The following COL15A1 variants were observed in gnomAD, a reference collection of about 807,000 sequenced individuals.
COL15A1 encodes the protein collagen alpha-1(XV) chain.
Under a neutral mutation model 165.9 loss-of-function variants are expected in COL15A1, and 111 were observed. The ratio of observed to expected loss-of-function variants is 0.67; its 90% CI spans 0.57 to 0.78. COL15A1 has a LOEUF of 0.78. Ranked by LOEUF, COL15A1 falls within the 30% of genes least tolerant of loss-of-function variation. The probability of loss-of-function intolerance (pLI) is 0.00; values close to 1 mark genes in which losing one functional copy is unlikely to be tolerated. For synonymous variants in COL15A1, 659 were observed against 674.8 expected (o/e 0.98, Z 0.36); for missense variants, 1,745 against 1,789.7 (o/e 0.98, Z 0.45).
chr9:98,955,024 T>C (rs988859197), intron 2 of COL15A1, among the ~76,000 whole-genome samples: 2 of 152,234 alleles, frequency 1.3e-5, no homozygotes, highest in African/African-American at 4.8e-5. Context: ...CATGAGGACC[T>C]TGATGGTCAT....
intron 39 of COL15A1, among the ~76,000 whole-genome samples, chr9:99,063,843 A>G (rs906780590): frequency 6.6e-6 from 1 of 152,140 alleles, no homozygotes; most frequent in Non-Finnish European, 1.5e-5. Context: ...CGCATTAAAG[A>G]TGAGAAAGGT....
In COL15A1 at chr9:99,050,258, C is replaced by T. The variant is rs539643274; in HGVS notation, c.2904+363C>T. Among the ~76,000 whole-genome samples the T allele has an allele frequency of 3.3e-5, 5 of 152,344 alleles. No individual in the cohort carries two copies. In the East Asian group the frequency reaches 9.7e-4, roughly 29 times the overall value. On this transcript the variant is annotated intron_variant, in intron 30 of 41. Transcript: ENST00000375001. ...AATCCATGCCAACCCATGATCTTTG[C>T]ATTGAGAACTTTGTAACTAACTATG...
intron 35 of COL15A1, among the ~76,000 whole-genome samples, chr9:99,058,527 A>G (rs192067927): frequency 1.3e-5 from 2 of 152,236 alleles, no homozygotes; most frequent in African/African-American, 4.8e-5. Flanking sequence ...GGTGGAGAAA[A>G]ACTGTTGTCC....
Position 99,050,516 on chromosome 9 carries a change from A to G in COL15A1, c.2904+621A>G, listed in dbSNP as rs372936340. Among the ~76,000 whole-genome samples, 36 of 152,332 alleles carry G rather than the reference A, an allele frequency of 2.4e-4. No homozygotes were observed. In the South Asian group the frequency reaches 7.2e-3, roughly 31 times the overall value. The stretch of plus-strand genomic sequence containing the variant: ...CAGGCACTTGCCCGGCCCCCCAGCC[A>G]TTGAGCAGCTCTGTCCCTGATTTTT... On this transcript the variant is annotated intron_variant, in intron 30 of 41. Transcript: ENST00000375001.
chr9:98,973,198 A>G (rs547581493), intron 2 of COL15A1, among the ~76,000 whole-genome samples: 2 of 152,278 alleles, frequency 1.3e-5, no homozygotes, highest in Admixed American at 1.3e-4. Context: ...AGTTTAGGTC[A>G]GAGGCTCGAG....
intron 30 of COL15A1, among the ~76,000 whole-genome samples, chr9:99,051,009 T>C (rs971130139): frequency 1.3e-5 from 2 of 152,154 alleles, no homozygotes; most frequent in African/African-American, 4.8e-5. Flanking sequence ...AGCAACCCAG[T>C]ATGTGTTTAT....
intron 23 of COL15A1, among the ~76,000 whole-genome samples, chr9:99,041,819 A>T (rs1245783498): frequency 2.6e-5 from 4 of 152,184 alleles, no homozygotes; most frequent in Non-Finnish European, 4.4e-5. Context: ...AATGTTCAAA[A>T]AAGTGTGAAG....
intron 2 of COL15A1, among the ~76,000 whole-genome samples, chr9:98,946,348 A>G (rs1837583433): frequency 6.6e-6 from 1 of 152,058 alleles, no homozygotes; most frequent in Non-Finnish European, 1.5e-5. Flanking sequence ...TAACCATCCT[A>G]GTGTGTAGTT....
At chr9:98,981,294 C>G (rs1034737757) in intron 2 of COL15A1, among the ~76,000 whole-genome samples, 1 of 152,082 alleles carries the variant, frequency 6.6e-6, no homozygotes, top group Non-Finnish European at 1.5e-5. Context: ...CCCGTCTCTA[C>G]TAAAAGTACA....
chr9:98,964,088 C>T (rs1038582305), intron 2 of COL15A1, among the ~76,000 whole-genome samples: 30 of 152,238 alleles, frequency 2.0e-4, no homozygotes, highest in Non-Finnish European at 4.3e-4. Flanking sequence ...CTGGCTAGTA[C>T]GTGGCTGAGC....
intron 14 of COL15A1, among the ~76,000 whole-genome samples, chr9:99,023,676 T>C (rs929437325): frequency 6.6e-6 from 1 of 152,200 alleles, no homozygotes; most frequent in Non-Finnish European, 1.5e-5. Flanking sequence ...TACATTTATC[T>C]TCAGGACCTC....
At chr9:98,990,084 C>T (rs763383511) in intron 5 of COL15A1, among the ~76,000 whole-genome samples, 47 of 152,306 alleles carry the variant, frequency 3.1e-4, no homozygotes, top group Admixed American at 3.3e-4. Context: ...AGATTACAGA[C>T]CTTGGGCAGC....
intron 36 of COL15A1, among the ~76,000 whole-genome samples, chr9:99,060,507 G>A (rs959944435): frequency 2.0e-5 from 3 of 149,608 alleles, no homozygotes; most frequent in Non-Finnish European, 4.4e-5. Flanking sequence ...GGGCCACCAA[G>A]GTGATTCTCC....
chr9:99,012,443 A>G (rs557581347), intron 9 of COL15A1, among the ~76,000 whole-genome samples: 2 of 152,352 alleles, frequency 1.3e-5, no homozygotes, highest in African/African-American at 2.4e-5. Context: ...AGTGGATTTT[A>G]TCTCAGGAGA....
chr9:99,048,692 C>T (rs190661760), intron 28 of COL15A1, among the ~76,000 whole-genome samples: 1 of 114,174 alleles, frequency 8.8e-6, no homozygotes, highest in Non-Finnish European at 1.7e-5. Context: ...TCCCTCCCCC[C>T]TCCCCCCACC....
intron 2 of COL15A1, among the ~76,000 whole-genome samples, chr9:98,959,953 T>A (rs1464030103): frequency 6.6e-6 from 1 of 152,210 alleles, no homozygotes; most frequent in Admixed American, 6.5e-5. Context: ...TGCTTGCTGG[T>A]CTCTGAATTG....
Position 99,034,441 on chromosome 9 carries a change from T to C in COL15A1, c.2044-108T>C, listed in dbSNP as rs560131005. The C allele has an allele frequency of 1.1e-5, 16 of 1,465,844 alleles. No homozygotes were observed. In the East Asian group the frequency reaches 2.8e-4, roughly 25 times the overall value. 90.8% of individuals were successfully genotyped at this position (1,465,844 alleles called of 1,614,324 possible). On this transcript the variant is annotated intron_variant, in intron 16 of 41. Transcript: ENST00000375001. ...CACCAATCTGAGACAGAAAGAGTCC[T>C]ATTTTAATATCCTATTTCCTTGGAG...
intron 2 of COL15A1, among the ~76,000 whole-genome samples, chr9:98,953,645 G>C (rs1199288261): frequency 6.6e-6 from 1 of 152,072 alleles, no homozygotes; most frequent in Admixed American, 6.5e-5. Context: ...CTATTCTGAG[G>C]GCCCTGGTAT....
chr9:99,016,075 C>T lies in COL15A1; in HGVS notation c.1603C>T (p.Pro535Ser). Reference protein sequence around the residue: ...ESGSPPPDGPPLPLPTVAPER... With the variant: ...ESGSPPPDGPSLPLPTVAPER... The stretch of plus-strand genomic sequence containing the variant: ...CGGCAGCCCTCCCCCTGATGGGCCA[C>T]CGCTGCCCCTGCCCACAGTGGCTCC... The change falls in exon 11 of 42, where the codon CCG becomes TCG. Residue 535 changes from proline (P) to serine (S), a missense_variant. Physicochemically the swap from Pro to Ser is moderately conservative, Grantham distance 74 (BLOSUM62 -1). Coordinates refer to ENST00000375001, the MANE Select transcript of COL15A1 (RefSeq NM_001855.5). The T allele has an allele frequency of 2.5e-6, 4 of 1,613,970 alleles. No homozygotes were observed. Among genetic ancestry groups the T allele is most frequent in the South Asian group, 1.1e-5 (1 of 91,068 alleles).
Sources: allele counts gnomAD v4.1 joint callset (sites outside exome capture counted in the v4.1 genomes callset), GRCh38; gene constraint gnomAD v4.1.1; transcripts MANE v1.5; gene names NCBI Gene and HGNC (gene_info 2026-07-23, HGNC 2026-07-21).